CHST11: variants seen among roughly 807,000 people sequenced by gnomAD.
CHST11 encodes the protein carbohydrate sulfotransferase 11.
CHST11 carries 9 observed loss-of-function variants against 30.4 expected under a neutral mutation model. That is an observed-to-expected ratio of 0.30 (90% CI 0.18 to 0.52). The LOEUF is 0.52. CHST11 is among the 20% of genes least tolerant of loss of function. The pLI is 0.97. For missense variants in CHST11, 348 were observed against 460.6 expected (o/e 0.76, Z 2.24); for synonymous variants, 152 against 187.8 (o/e 0.81, Z 1.56).
At chr12:104,523,055 A>G (rs948050585) in intron 1 of CHST11, among the ~76,000 whole-genome samples, 2 of 152,384 alleles carry the variant, frequency 1.3e-5, no homozygotes, top group Non-Finnish European at 2.9e-5. Flanking sequence ...TTGACTAATT[A>G]GAAATGGAGA....
chr12:104,596,829 C>T (rs1223698988), intron 1 of CHST11, among the ~76,000 whole-genome samples: 2 of 152,176 alleles, frequency 1.3e-5, no homozygotes, highest in African/African-American at 4.8e-5. Context: ...CTGCTGCTAG[C>T]TACACTGGGC....
chr12:104,673,997 T>C (rs897518040), intron 2 of CHST11, among the ~76,000 whole-genome samples: 1 of 152,216 alleles, frequency 6.6e-6, no homozygotes, highest in African/African-American at 2.4e-5. Context: ...CTGTCAGCTC[T>C]CCCGGCCTCT....
At chr12:104,743,320 G>A (rs2136140352) in intron 2 of CHST11, among the ~76,000 whole-genome samples, 1 of 152,338 alleles carries the variant, frequency 6.6e-6, no homozygotes, top group African/African-American at 2.4e-5. Flanking sequence ...ACCACTGAGT[G>A]TGAGCCTTCC....
At chr12:104,465,336 G>T (rs539949748) in intron 1 of CHST11, among the ~76,000 whole-genome samples, 1 of 152,170 alleles carries the variant, frequency 6.6e-6, no homozygotes, top group Non-Finnish European at 1.5e-5. Flanking sequence ...TCTGATTAAC[G>T]ATGAGGTTGG....
intron 2 of CHST11, among the ~76,000 whole-genome samples, chr12:104,699,404 T>C (rs997146427): frequency 1.3e-5 from 2 of 152,220 alleles, no homozygotes; most frequent in African/African-American, 2.4e-5. Context: ...AAAATGATAT[T>C]TTGGATATAT....
chr12:104,644,732 G>T (rs983381504), intron 2 of CHST11, among the ~76,000 whole-genome samples: 1 of 152,246 alleles, frequency 6.6e-6, no homozygotes, highest in Non-Finnish European at 1.5e-5. Flanking sequence ...AGACTGACCA[G>T]TGTAGGTAGG....
rs550690164 is a variant in CHST11, at chr12:104,549,108, G to T, written c.119-52798G>T. 2.7e-4 allele frequency among the ~76,000 whole-genome samples: 41 copies of T among 152,310 alleles called. 1 individual carries two copies. Among genetic ancestry groups the T allele is most frequent in the African/African-American group, 8.4e-4 (35 of 41,588 alleles). On this transcript the variant is annotated intron_variant, in intron 1 of 2. Transcript: ENST00000303694. ...TGCAGCTTGTCAAAATATGATTGCG[G>T]TAAAGCGTCCAGAAGTGAAAACTGG...
intron 1 of CHST11, among the ~76,000 whole-genome samples, chr12:104,493,014 C>T (rs752730331): frequency 6.0e-5 from 9 of 150,530 alleles, no homozygotes; most frequent in African/African-American, 2.4e-5. Flanking sequence ...GCCTGGGCAA[C>T]AGAGCAAGAC....
chr12:104,514,518 C>T (rs1227936765), intron 1 of CHST11: 2 of 587,724 alleles, frequency 3.4e-6, no homozygotes, highest in African/African-American at 3.7e-5. Context: ...CTAAGCTTTA[C>T]AACATTTCTC....
At chr12:104,518,974 C>CTTTTTTTTTTTTTTTTT (rs5800625) in intron 1 of CHST11, among the ~76,000 whole-genome samples, 1 of 132,436 alleles carries the variant, frequency 7.6e-6, no homozygotes, top group Non-Finnish European at 1.6e-5. Flanking sequence ...TTTTTTCTTT[C>CTTTTTTTTTTTTTTTTT]TTTTTTTTTT....
At chr12:104,749,715 G>GA (rs2040415130) in intron 2 of CHST11, among the ~76,000 whole-genome samples, 1 of 152,222 alleles carries the variant, frequency 6.6e-6, no homozygotes, top group African/African-American at 2.4e-5. Flanking sequence ...TGTGCTCAGG[G>GA]AACGTGTTAG....
intron 2 of CHST11, among the ~76,000 whole-genome samples, chr12:104,626,957 G>A (rs747646777): frequency 1.1e-4 from 16 of 152,054 alleles, no homozygotes; most frequent in Non-Finnish European, 2.2e-4. Flanking sequence ...ATACATTTTA[G>A]AGTAGTTTCA....
At chr12:104,710,590 C>G (rs1486292156) in intron 2 of CHST11, among the ~76,000 whole-genome samples, 1 of 152,162 alleles carries the variant, frequency 6.6e-6, no homozygotes, top group Non-Finnish European at 1.5e-5. Flanking sequence ...AAGCTACATT[C>G]ATCTTCTTCC....
At chr12:104,732,267 C>CCAGA (rs2040264279) in intron 2 of CHST11, among the ~76,000 whole-genome samples, 1 of 152,148 alleles carries the variant, frequency 6.6e-6, no homozygotes, top group East Asian at 1.9e-4. Flanking sequence ...GTGCCATAAG[C>CCAGA]CAGACCCCAG....
chr12:104,469,137 A>C (rs533654159), intron 1 of CHST11, among the ~76,000 whole-genome samples: 1 of 152,306 alleles, frequency 6.6e-6, no homozygotes, highest in East Asian at 1.9e-4. Context: ...TCCTTTTAAC[A>C]TGTGCGTCCT....
rs113730115 is a variant in CHST11, at chr12:104,620,655, A to G, written c.204+18664A>G. Among the ~76,000 whole-genome samples, 1,343 of 152,230 alleles carry G rather than the reference A, an allele frequency of 8.8e-3. 25 individuals carry two copies. Among genetic ancestry groups the G allele is most frequent in the African/African-American group, 0.03 (1,263 of 41,518 alleles). Reference sequence around the variant, plus strand: ...ATTTGTTTGTTTGTTTGTTTTTATTACTTACCCAGAGTAAAGCGTCATTTT... The same window carrying G: ...ATTTGTTTGTTTGTTTGTTTTTATTGCTTACCCAGAGTAAAGCGTCATTTT... On this transcript the variant is annotated intron_variant, in intron 2 of 2. Coordinates refer to ENST00000303694, the MANE Select transcript of CHST11 (RefSeq NM_018413.6).
At chr12:104,697,863 T>C (rs1344859894) in intron 2 of CHST11, among the ~76,000 whole-genome samples, 4 of 152,186 alleles carry the variant, frequency 2.6e-5, no homozygotes, top group African/African-American at 9.7e-5. Flanking sequence ...CCATGCACAG[T>C]GGCATGGCAT....
intron 1 of CHST11, among the ~76,000 whole-genome samples, chr12:104,534,143 G>A (rs746401538): frequency 2.6e-4 from 39 of 152,136 alleles, no homozygotes; most frequent in Non-Finnish European, 5.4e-4. Context: ...CAGTGTAATA[G>A]TGATATAAAG....
intron 2 of CHST11, among the ~76,000 whole-genome samples, chr12:104,751,662 G>A (rs2453161): frequency 0.71 from 108,133 of 152,164 alleles, 38,650 homozygotes; most frequent in African/African-American, 0.79. Context: ...TTAACTACCT[G>A]TTTTGTGCCA....
Sources: allele counts gnomAD v4.1 joint callset (sites outside exome capture counted in the v4.1 genomes callset), GRCh38; gene constraint gnomAD v4.1.1; transcripts MANE v1.5; gene names NCBI Gene and HGNC (gene_info 2026-07-23, HGNC 2026-07-21).